FAIM2: variants seen among roughly 807,000 people sequenced by gnomAD.
The protein encoded by FAIM2 is Fas apoptotic inhibitory molecule 2.
In FAIM2, 27 loss-of-function variants were observed where a neutral mutation model predicts 47.4. That is an observed-to-expected ratio of 0.57 (90% CI 0.42 to 0.78). FAIM2 has a LOEUF of 0.78. Ranked by LOEUF, FAIM2 falls within the 30% of genes least tolerant of loss-of-function variation. The pLI, the probability that FAIM2 is intolerant of heterozygous loss-of-function variation, is 0.00. For synonymous variants in FAIM2, 156 were observed against 159.3 expected (o/e 0.98, Z 0.16); for missense variants, 311 against 389.4 (o/e 0.80, Z 1.69).
rs1448608527 is a variant in FAIM2, at chr12:49,870,222, T to G, written c.*282A>C. On this transcript the variant is annotated 3_prime_UTR_variant, in exon 12 of 12. Coordinates refer to ENST00000320634, the MANE Select transcript of FAIM2 (RefSeq NM_012306.4). ...TGCTAGGCTTCTCCTCCTTGTCCCT[T>G]GGACCCTCAAACCCAGAGGAGCCTT... 2.9e-6 allele frequency: 1 copy of G among 342,970 alleles called. No individual in the cohort carries two copies. The highest frequency in any genetic ancestry group is 5.4e-6 in the Non-Finnish European group (1 of 184,162). 21.2% of individuals were successfully genotyped at this position (342,970 alleles called of 1,614,324 possible).
chr12:49,886,358 G>A, intron 11 of FAIM2, among the ~76,000 whole-genome samples: 1 of 152,166 alleles, frequency 6.6e-6, no homozygotes, highest in Admixed American at 6.5e-5. Context: ...CCCCAAGGGG[G>A]ACACACATCA....
intron 11 of FAIM2, among the ~76,000 whole-genome samples, chr12:49,880,686 G>A (rs1485209112): frequency 1.3e-5 from 2 of 151,636 alleles, no homozygotes; most frequent in African/African-American, 4.9e-5. Flanking sequence ...ATATGTGCAT[G>A]TGTATGCATG....
intron 1 of FAIM2, 99 bp downstream of exon 1, chr12:49,903,679 A>G: frequency 6.9e-7 from 1 of 1,448,922 alleles, no homozygotes; most frequent in Non-Finnish European, 9.5e-7. Flanking sequence ...AACTAGGGCC[A>G]GGGGAGGATG....
Position 49,867,376 on chromosome 12 carries a change from C to G in FAIM2, c.*3128G>C, listed in dbSNP as rs1244953027. 6.6e-6 allele frequency: 1 copy of G among 152,316 alleles called. No homozygotes were observed. Among genetic ancestry groups the G allele is most frequent in the Non-Finnish European group, 1.5e-5 (1 of 68,148 alleles). The allele number at this position is 152,316 out of a possible 1,614,324, so 9.4% of individuals were successfully genotyped here. On this transcript the variant is annotated 3_prime_UTR_variant, in exon 12 of 12. Coordinates refer to ENST00000320634, the MANE Select transcript of FAIM2 (RefSeq NM_012306.4). Reference sequence around the variant, plus strand: ...CACCTGGGACTTGGCTTCAGGTGGGCCAGGGAAGGAGGCAAGGAGCCTTTT... The same window carrying G: ...CACCTGGGACTTGGCTTCAGGTGGGGCAGGGAAGGAGGCAAGGAGCCTTTT...
chr12:49,885,427 C>T (rs1249239015), intron 11 of FAIM2, among the ~76,000 whole-genome samples: 4 of 152,332 alleles, frequency 2.6e-5, no homozygotes, highest in Admixed American at 6.5e-5. Context: ...CTAGCTCTCC[C>T]GAATGTGGCC....
intron 11 of FAIM2, among the ~76,000 whole-genome samples, chr12:49,876,700 A>ATT (rs1946739294): frequency 6.6e-6 from 1 of 151,922 alleles, no homozygotes; most frequent in South Asian, 2.1e-4. Context: ...TGAACCCAGG[A>ATT]GGCAGAGCTT....
At chr12:49,879,052 A>G (rs111164090) in intron 11 of FAIM2, among the ~76,000 whole-genome samples, 52,547 of 130,182 alleles carry the variant, frequency 0.4, 16,285 homozygotes, top group South Asian at 0.53. Flanking sequence ...GAGTTTGTGT[A>G]TGTGCATGTA....
chr12:49,897,512 A>C lies in FAIM2; in HGVS notation c.380+7T>G. ...CTGGAAGGTGCTGGTCCATGCTGCC[A>C]ACTCACCAGAAAGTAAAGAGAGCCA... is the stretch of plus-strand genomic sequence containing the variant. On this transcript the variant is annotated splice_region_variant and intron_variant, in intron 4 of 11. Transcript: ENST00000320634. 3 of 1,613,856 alleles carry C rather than the reference A, an allele frequency of 1.9e-6. No homozygotes were observed. Among genetic ancestry groups the C allele is most frequent in the Non-Finnish European group, 2.5e-6 (3 of 1,179,744 alleles).
At position 49,870,499 on chromosome 12, in the gene FAIM2, G is replaced by T; in HGVS notation, c.*5C>A. The stretch of plus-strand genomic sequence containing the variant: ...TCTGGAGGACGGTGGGGCAGGGAGG[G>T]CTCCTCATTCTCGGTTAGTGCCAAA... On this transcript the variant is annotated 3_prime_UTR_variant, in exon 12 of 12. Coordinates refer to ENST00000320634, the MANE Select transcript of FAIM2 (RefSeq NM_012306.4). 1.2e-6 allele frequency: 2 copies of T among 1,613,010 alleles called. No individual in the cohort carries two copies. The highest frequency in any genetic ancestry group is 2.2e-5 in the South Asian group (2 of 91,012).
At chr12:49,875,727 C>T (rs1946731952) in intron 11 of FAIM2, among the ~76,000 whole-genome samples, 1 of 152,170 alleles carries the variant, frequency 6.6e-6, no homozygotes, top group African/African-American at 2.4e-5. Flanking sequence ...GTAATCCCAG[C>T]ACTTTGGGAG....
At chr12:49,893,464 T>C (rs1946914562) in intron 5 of FAIM2, among the ~76,000 whole-genome samples, 1 of 152,186 alleles carries the variant, frequency 6.6e-6, no homozygotes, top group African/African-American at 2.4e-5. Context: ...CCCACCCAGG[T>C]ATAGCATCTG....
rs111630200 is a variant in FAIM2, at chr12:49,887,383, C to T, written c.801+3G>A. ...GGCTGCCAAGGAGCTAGACCACACT[C>T]ACCAATGTAAATACACCCGCTCCCA... On this transcript the variant is annotated splice_donor_region_variant and intron_variant, in intron 11 of 11. Transcript: ENST00000320634. 1 of 1,609,876 alleles carries T rather than the reference C, an allele frequency of 6.2e-7. No homozygotes were observed. Among genetic ancestry groups the T allele is most frequent in the Non-Finnish European group, 8.5e-7 (1 of 1,177,842 alleles).
At chr12:49,879,209 AGTGT>A (rs1199409394) in intron 11 of FAIM2, among the ~76,000 whole-genome samples, 1 of 72,072 alleles carries the variant, frequency 1.4e-5, no homozygotes, top group Non-Finnish European at 2.6e-5. Context: ...TATGTGTATG[AGTGT>A]GTATGTGCAT....
rs192588202 is a variant in FAIM2 at position 49,899,836 on chromosome 12, G to A, written c.211+1294C>T. Among the ~76,000 whole-genome samples, 388 of 152,324 alleles carry A rather than the reference G, an allele frequency of 2.5e-3. 2 individuals carry two copies. The highest frequency in any genetic ancestry group is 8.6e-3 in the African/African-American group (356 of 41,568). On this transcript the variant is annotated intron_variant, in intron 2 of 11. Coordinates refer to ENST00000320634, the MANE Select transcript of FAIM2 (RefSeq NM_012306.4). The stretch of plus-strand genomic sequence containing the variant: ...CATCCTCCGAAACAAACCCAGACGC[G>A]AACCCTGTGCCCTGGCACACACTTA...
chr12:49,878,606 ATGTGTATG>A (rs1396141332), intron 11 of FAIM2, among the ~76,000 whole-genome samples: 5 of 126,682 alleles, frequency 3.9e-5, no homozygotes, highest in Non-Finnish European at 8.2e-5. Flanking sequence ...GTATGTGTGC[ATGTGTATG>A]TGTGCATATG....
rs868703363 is a variant in FAIM2 at position 49,880,181 on chromosome 12, C to T, written c.801+7205G>A. Among the ~76,000 whole-genome samples, 514 of 120,440 alleles carry T rather than the reference C, an allele frequency of 4.3e-3. 1 individual carries two copies. Among genetic ancestry groups the T allele is most frequent in the African/African-American group, 0.016 (492 of 31,012 alleles). 79.0% of individuals were successfully genotyped at this position (120,440 alleles called of 152,430 possible). ...GTGCATGTGTGTATGTGTGTGTATG[C>T]ATGTGTGTATATGTGCATGTGTGTG... On this transcript the variant is annotated intron_variant, in intron 11 of 11. Transcript: ENST00000320634.
chr12:49,876,756 A>G (rs531642274), intron 11 of FAIM2, among the ~76,000 whole-genome samples: 1 of 152,202 alleles, frequency 6.6e-6, no homozygotes, highest in South Asian at 2.1e-4. Context: ...TGGGTGACAG[A>G]GCGAGACTCC....
At chr12:49,884,714 C>T (rs1946848735) in intron 11 of FAIM2, among the ~76,000 whole-genome samples, 2 of 152,228 alleles carry the variant, frequency 1.3e-5, no homozygotes, top group African/African-American at 2.4e-5. Context: ...GTCACTCACG[C>T]CTGTAATCCC....
chr12:49,890,083 A>G, intron 8 of FAIM2, 34 bp downstream of exon 8: 1 of 1,609,584 alleles, frequency 6.2e-7, no homozygotes, highest in South Asian at 1.1e-5. Context: ...AGCCTGGCCT[A>G]TGGTCCTTCT....
Sources: allele counts gnomAD v4.1 joint callset (sites outside exome capture counted in the v4.1 genomes callset), GRCh38; gene constraint gnomAD v4.1.1; transcripts MANE v1.5; gene names NCBI Gene and HGNC (gene_info 2026-07-23, HGNC 2026-07-21).